Variants in MDGA2 observed in about 807,000 individuals in gnomAD.
The protein encoded by MDGA2 is MAM domain containing glycosylphosphatidylinositol anchor 2, also known as MAM domain-containing glycosylphosphatidylinositol anchor protein 2.
MDGA2 carries 40 observed loss-of-function variants against 117.8 expected under a neutral mutation model. That is an observed-to-expected ratio of 0.34 (90% CI 0.26 to 0.44). The LOEUF is 0.44. MDGA2 is among the 20% of genes least tolerant of loss of function. The pLI, the probability that MDGA2 is intolerant of heterozygous loss-of-function variation, is 1.00. For synonymous variants in MDGA2, 452 were observed against 439.0 expected (o/e 1.03, Z -0.37); for missense variants, 1,123 against 1,250.6 (o/e 0.90, Z 1.54).
intron 1 of MDGA2, among the ~76,000 whole-genome samples, chr14:47,658,880 C>A (rs1269624909): frequency 6.6e-6 from 1 of 152,220 alleles, no homozygotes; most frequent in Non-Finnish European, 1.5e-5. Context: ...CCCAACTCTA[C>A]AGCATCCCAT....
At chr14:47,451,797 A>G (rs1011602945) in intron 1 of MDGA2, among the ~76,000 whole-genome samples, 1 of 152,128 alleles carries the variant, frequency 6.6e-6, no homozygotes, top group Non-Finnish European at 1.5e-5. Flanking sequence ...ATGTTACAAT[A>G]AAACGTTTGC....
intron 14 of MDGA2, among the ~76,000 whole-genome samples, chr14:46,858,881 A>C (rs1177886004): frequency 6.6e-6 from 1 of 152,168 alleles, no homozygotes; most frequent in African/African-American, 2.4e-5. Context: ...TGGGCATTGT[A>C]GATAGAACAT....
chr14:46,863,152 G>C (rs1471172665), intron 14 of MDGA2, among the ~76,000 whole-genome samples: 1 of 151,430 alleles, frequency 6.6e-6, no homozygotes, highest in Admixed American at 6.6e-5. Context: ...ATATTCTTTG[G>C]CCTTTGTTCT....
At chr14:47,417,612 A>G (rs1436790096) in intron 1 of MDGA2, among the ~76,000 whole-genome samples, 1 of 152,118 alleles carries the variant, frequency 6.6e-6, no homozygotes, top group East Asian at 1.9e-4. Context: ...TCTAGCATGC[A>G]CCTCAAAACT....
intron 1 of MDGA2, among the ~76,000 whole-genome samples, chr14:47,625,209 T>C (rs963248882): frequency 7.2e-5 from 11 of 152,128 alleles, no homozygotes; most frequent in African/African-American, 2.7e-4. Flanking sequence ...TTCTTTAGCA[T>C]ACTGTAAGGG....
intron 2 of MDGA2, among the ~76,000 whole-genome samples, chr14:47,270,661 G>A (rs1888113719): frequency 6.6e-6 from 1 of 152,138 alleles, no homozygotes; most frequent in African/African-American, 2.4e-5. Flanking sequence ...AAAATACAGT[G>A]ATGGAAAAAT....
chr14:47,071,507 T>C (rs145852904), intron 6 of MDGA2, among the ~76,000 whole-genome samples: 189 of 152,222 alleles, frequency 1.2e-3, no homozygotes, highest in African/African-American at 4.3e-3. Flanking sequence ...TCCTTAGGTG[T>C]GTTTAAAGTA....
intron 10 of MDGA2, among the ~76,000 whole-genome samples, chr14:46,883,055 G>T (rs1033731824): frequency 6.6e-6 from 1 of 151,986 alleles, no homozygotes; most frequent in South Asian, 2.1e-4. Context: ...GTTCAGGAAA[G>T]AATTCTAATC....
At chr14:46,848,590 C>T (rs1880935327) in intron 15 of MDGA2, among the ~76,000 whole-genome samples, 1 of 151,412 alleles carries the variant, frequency 6.6e-6, no homozygotes, top group Non-Finnish European at 1.5e-5. Flanking sequence ...TTCATCCTGT[C>T]CTCCTGCCTC....
intron 14 of MDGA2, 71 bp downstream of exon 14, chr14:46,873,362 G>A: frequency 1.5e-6 from 2 of 1,364,154 alleles, no homozygotes; most frequent in Non-Finnish European, 2.0e-6. Flanking sequence ...TTTTAATGCT[G>A]TGTGTTTATG....
chr14:47,373,928 A>G (rs1891421165), intron 1 of MDGA2, among the ~76,000 whole-genome samples: 1 of 152,206 alleles, frequency 6.6e-6, no homozygotes, highest in Non-Finnish European at 1.5e-5. Context: ...ATTAACTAAA[A>G]ACCTTATAAT....
chr14:47,539,888 C>T (rs970686525), intron 1 of MDGA2, among the ~76,000 whole-genome samples: 1 of 152,226 alleles, frequency 6.6e-6, no homozygotes. Context: ...ATTCCATGCT[C>T]ACCACACTGG....
chr14:47,561,158 G>GTTTTTTTTTTT (rs200625450), intron 1 of MDGA2, among the ~76,000 whole-genome samples: 32 of 55,062 alleles, frequency 5.8e-4, no homozygotes, highest in Admixed American at 1.7e-3. Context: ...TTTTTGTTTT[G>GTTTTTTTTTTT]TTTTGTTTTT....
chr14:47,462,713 C>T (rs1893515672), intron 1 of MDGA2, among the ~76,000 whole-genome samples: 1 of 151,932 alleles, frequency 6.6e-6, no homozygotes, highest in African/African-American at 2.4e-5. Flanking sequence ...GAAACACTGA[C>T]GTCATGCGAA....
chr14:47,489,812 T>A (rs756502321), intron 1 of MDGA2, among the ~76,000 whole-genome samples: 1 of 151,990 alleles, frequency 6.6e-6, no homozygotes, highest in Non-Finnish European at 1.5e-5. Flanking sequence ...TTTCAATATA[T>A]CTTCAGTTCA....
chr14:47,620,196 T>C (rs1897024923), intron 1 of MDGA2, among the ~76,000 whole-genome samples: 1 of 152,372 alleles, frequency 6.6e-6, no homozygotes, highest in East Asian at 1.9e-4. Flanking sequence ...GGCAACAGAA[T>C]ATTTTATCAA....
At chr14:47,583,573 T>C (rs1285111778) in intron 1 of MDGA2, among the ~76,000 whole-genome samples, 1 of 151,856 alleles carries the variant, frequency 6.6e-6, no homozygotes, top group Admixed American at 6.6e-5. Flanking sequence ...GCAATAAAGC[T>C]AATTATCTGC....
At chr14:46,982,043 A>G (rs1430371142) in intron 8 of MDGA2, among the ~76,000 whole-genome samples, 2 of 152,236 alleles carry the variant, frequency 1.3e-5, no homozygotes, top group Admixed American at 6.5e-5. Flanking sequence ...CCAATCATAC[A>G]TTCATAAGTA....
intron 5 of MDGA2, among the ~76,000 whole-genome samples, chr14:47,107,065 C>A (rs12586897): frequency 1.5e-5 from 2 of 129,740 alleles, no homozygotes; most frequent in Non-Finnish European, 3.3e-5. Context: ...TCTATCCCCC[C>A]ACCTTAACCC....
Sources: gnomAD v4.1 joint callset for allele counts (sites outside exome capture counted in the v4.1 genomes callset) on GRCh38, gnomAD v4.1.1 for gene constraint, MANE v1.5 for transcripts, NCBI Gene and HGNC (gene_info 2026-07-23, HGNC 2026-07-21) for gene names.